The following DYNC2I1 variants were observed in gnomAD, a reference collection of about 807,000 sequenced individuals.
DYNC2I1 encodes the protein cytoplasmic dynein 2 intermediate chain 1.
A neutral mutation model predicts 133.4 loss-of-function variants in DYNC2I1; 89 were observed. The ratio of observed to expected loss-of-function variants is 0.67; its 90% confidence interval spans 0.56 to 0.80. DYNC2I1 has a LOEUF of 0.80. DYNC2I1 is among the 30% of genes least tolerant of loss of function. The pLI, the probability that DYNC2I1 is intolerant of heterozygous loss-of-function variation, is 0.00. For missense variants in DYNC2I1, 1,291 were observed against 1,314.5 expected (o/e 0.98, Z 0.28); for synonymous variants, 504 against 484.3 (o/e 1.04, Z -0.54).
At position 158,922,445 on chromosome 7, in the gene DYNC2I1, C is replaced by A. The variant is rs1849193502; in HGVS notation, c.1990C>A (p.Pro664Thr). 1.9e-6 allele frequency: 3 copies of A among 1,614,032 alleles called. No individual in the cohort carries two copies. Among genetic ancestry groups the A allele is most frequent in the Non-Finnish European group, 2.5e-6 (3 of 1,179,900 alleles). ...RQMVVSVHDL[P>T]EKSFVPLLDS... ...GATGGTGGTCTCCGTTCACGACTTA[C>A]CCGAGAAGAGCTTTGTGCCCCTGCT... is the stretch of plus-strand genomic sequence containing the variant. The change falls in exon 16 of 25, where the codon CCC (proline) becomes ACC (threonine). Residue 664 changes from proline to threonine, a missense_variant. By Grantham distance (38) the Pro-to-Thr change is conservative. Coordinates refer to ENST00000407559, the MANE Select transcript of DYNC2I1 (RefSeq NM_018051.5).
intron 7 of DYNC2I1, among the ~76,000 whole-genome samples, chr7:158,889,080 CTTTTTTT>C (rs369814666): frequency 1.4e-4 from 18 of 126,082 alleles, no homozygotes; most frequent in Non-Finnish European, 1.9e-4. Flanking sequence ...TCCTGTTTTT[CTTTTTTT>C]TTTTTTTTTT....
the DYNC2I1 span, among the ~76,000 whole-genome samples, chr7:158,845,326 C>T: frequency 6.6e-6 from 1 of 152,076 alleles, no homozygotes; most frequent in Non-Finnish European, 1.5e-5. Flanking sequence ...AGCCCAAATG[C>T]TTCTCAAGTT....
chr7:158,923,576 G>T lies in DYNC2I1; in HGVS notation c.2100G>T (p.Thr700=). 1 of 1,613,992 alleles carries T rather than the reference G, an allele frequency of 6.2e-7. No individual in the cohort carries two copies. The highest frequency in any genetic ancestry group is 8.5e-7 in the Non-Finnish European group (1 of 1,179,902). Residue 700 remains threonine (T), a synonymous_variant, in exon 17 of 25, where the codon ACG becomes ACT. Transcript: ENST00000407559. ...QKVLICESQV[T]CCCLSPLKAF... ...TCTGTGCCTTTGTCTTTTAGGTCACGTGTTGCTGCTTGAGCCCTTTGAAAG... is the reference window on the plus strand; with the variant it reads ...TCTGTGCCTTTGTCTTTTAGGTCACTTGTTGCTGCTTGAGCCCTTTGAAAG...
chr7:158,933,877 A>G (rs1002909666), intron 21 of DYNC2I1, among the ~76,000 whole-genome samples: 5 of 152,254 alleles, frequency 3.3e-5, no homozygotes, highest in Admixed American at 3.3e-4. Flanking sequence ...TGAAATTTAC[A>G]ACCAAGTGAA....
chr7:158,941,438 G>A (rs1363005350), intron 23 of DYNC2I1, among the ~76,000 whole-genome samples: 1 of 152,188 alleles, frequency 6.6e-6, no homozygotes, highest in Non-Finnish European at 1.5e-5. Flanking sequence ...ATCAGAGTCA[G>A]GTGAGTGCTC....
upstream of DYNC2I1, among the ~76,000 whole-genome samples, chr7:158,856,104 G>A (rs1841210764): frequency 6.6e-6 from 1 of 150,862 alleles, no homozygotes; most frequent in East Asian, 1.9e-4. Context: ...ACTGCGCCCA[G>A]CTATTTTTTT....
intron 8 of DYNC2I1, among the ~76,000 whole-genome samples, chr7:158,898,993 A>T (rs1395008218): frequency 6.6e-6 from 1 of 152,010 alleles, no homozygotes. Context: ...TTACTTGTGT[A>T]TAAGCAGACA....
At chr7:158,932,215 G>A (rs186695277) in intron 21 of DYNC2I1, among the ~76,000 whole-genome samples, 35 of 152,340 alleles carry the variant, frequency 2.3e-4, no homozygotes, top group Admixed American at 1.6e-3. Context: ...CAGGGTTGTC[G>A]TGCAGAGGAC....
the DYNC2I1 span, among the ~76,000 whole-genome samples, chr7:158,841,945 C>A: frequency 1.3e-5 from 2 of 152,202 alleles, no homozygotes; most frequent in African/African-American, 4.8e-5. Context: ...CCGGTGGAAG[C>A]TCAGGATGCG....
downstream of DYNC2I1, among the ~76,000 whole-genome samples, chr7:158,958,394 G>A (rs1304448217): frequency 6.6e-6 from 1 of 152,232 alleles, no homozygotes; most frequent in African/African-American, 2.4e-5. Context: ...CACCGTGGCC[G>A]GGGTCCTGTT....
At chr7:158,923,840 G>T in intron 17 of DYNC2I1, 107 bp downstream of exon 17, 1 of 1,451,344 alleles carries the variant, frequency 6.9e-7, no homozygotes, top group Non-Finnish European at 9.2e-7. Context: ...TTATCCCAGA[G>T]GACGGGGTCT....
At chr7:158,899,337 CACAT>C (rs1188674477) in intron 8 of DYNC2I1, among the ~76,000 whole-genome samples, 1 of 152,142 alleles carries the variant, frequency 6.6e-6, no homozygotes, top group African/African-American at 2.4e-5. Flanking sequence ...TACACAAACA[CACAT>C]ACACACACAC....
chr7:158,839,827 A>T, the DYNC2I1 span, among the ~76,000 whole-genome samples: 1 of 151,430 alleles, frequency 6.6e-6, no homozygotes, highest in Non-Finnish European at 1.5e-5. Flanking sequence ...CTCAAAAAAA[A>T]AAAAGAGATG....
chr7:158,923,477 A>G, intron 16 of DYNC2I1, 94 bp from the exon 17 acceptor site: 1 of 1,574,730 alleles, frequency 6.4e-7, no homozygotes, highest in Non-Finnish European at 8.7e-7. Context: ...TGCAAAGTGA[A>G]ACATGGTCAG....
intron 5 of DYNC2I1, 144 bp from the exon 6 acceptor site, chr7:158,884,420 A>G (rs1240187221): frequency 1.6e-6 from 1 of 608,436 alleles, no homozygotes; most frequent in Non-Finnish European, 2.7e-6. Flanking sequence ...TAACTGGTAA[A>G]AATAGTTATT....
intron 1 of DYNC2I1, among the ~76,000 whole-genome samples, chr7:158,867,669 G>A (rs1842527041): frequency 6.6e-6 from 1 of 152,132 alleles, no homozygotes; most frequent in South Asian, 2.1e-4. Context: ...ACGTTAGGGT[G>A]CAGTCCTCAC....
chr7:158,856,365 A>G (rs1421349913), upstream of DYNC2I1, among the ~76,000 whole-genome samples: 1 of 152,240 alleles, frequency 6.6e-6, no homozygotes, highest in Non-Finnish European at 1.5e-5. Flanking sequence ...ACCCCAAGTC[A>G]GGGTACTGCA....
At chr7:158,875,173 G>T (rs1331281664) in intron 3 of DYNC2I1, among the ~76,000 whole-genome samples, 2 of 142,406 alleles carry the variant, frequency 1.4e-5, no homozygotes, top group African/African-American at 5.3e-5. Context: ...TTGGCTCACT[G>T]CATTCTCTGT....
chr7:158,889,122 C>G (rs1207829389), intron 7 of DYNC2I1, among the ~76,000 whole-genome samples: 2 of 148,728 alleles, frequency 1.3e-5, no homozygotes, highest in African/African-American at 5.0e-5. Context: ...GCTTTGTCAC[C>G]CAGGCTGGAG....
Sources: allele counts gnomAD v4.1 joint callset (sites outside exome capture counted in the v4.1 genomes callset), GRCh38; gene constraint gnomAD v4.1.1; transcripts MANE v1.5; gene names NCBI Gene and HGNC (gene_info 2026-07-23, HGNC 2026-07-21).